FGG: variants seen among roughly 807,000 people sequenced by gnomAD.
FGG encodes fibrinogen gamma chain.
In FGG, 20 loss-of-function variants were observed where a neutral mutation model predicts 51.7. That is an observed-to-expected ratio of 0.39 (90% confidence interval 0.27 to 0.56). FGG has a LOEUF of 0.56. Ranked by LOEUF, FGG falls within the 20% of genes least tolerant of loss-of-function variation. The probability of loss-of-function intolerance (pLI) is 0.64; values close to 1 mark genes in which losing one functional copy is unlikely to be tolerated. For synonymous variants in FGG, 184 were observed against 184.7 expected (o/e 1.00, Z 0.03); for missense variants, 460 against 534.2 (o/e 0.86, Z 1.37).
Position 154,604,383 on chromosome 4 carries a change from T to C in FGG, c.*451A>G, listed in dbSNP as rs1578806897. On this transcript the variant is annotated 3_prime_UTR_variant, in exon 9 of 9. Coordinates refer to ENST00000336098, the MANE Select transcript of FGG (RefSeq NM_021870.3). The stretch of plus-strand genomic sequence containing the variant: ...TGAATATATAACAAAACAAAAACCA[T>C]ATTAAAAAGACATAATTTTCTCCAT... The C allele has an allele frequency of 2.0e-6, 3 of 1,476,714 alleles. No homozygotes were observed. The highest frequency in any genetic ancestry group is 1.5e-5 in the African/African-American group (1 of 68,664). 91.5% of individuals were successfully genotyped at this position (1,476,714 alleles called of 1,614,324 possible). A position where few individuals can be genotyped will look rare whatever the true frequency, so the allele number is the denominator to read the frequency against.
chr4:154,609,515 G>T, intron 6 of FGG, 115 bp downstream of exon 6: 2 of 1,244,574 alleles, frequency 1.6e-6, no homozygotes, highest in South Asian at 1.2e-5. Flanking sequence ...CTTCCTCTTA[G>T]GGCTATTGCA....
chr4:154,610,757 T>C (rs1731196374), intron 4 of FGG, among the ~76,000 whole-genome samples: 1 of 152,196 alleles, frequency 6.6e-6, no homozygotes, highest in African/African-American at 2.4e-5. Context: ...GGAACGTTAT[T>C]GTATGTAAAA....
At position 154,612,552 on chromosome 4, in the gene FGG, G is replaced by C. The variant is rs992441964; in HGVS notation, c.58C>G (p.Leu20Val). The change falls in exon 1 of 9, where the codon CTC becomes GTC. Residue 20 changes from leucine to valine, a missense_variant. Around this residue, in one of 3 missense-constraint regions of FGG, gnomAD observed 353 missense variants for 391.7 expected, o/e 0.90. Coordinates refer to ENST00000336098, the MANE Select transcript of FGG (RefSeq NM_021870.3). ...CTTACTGCTACACATGTTGAAGAGA[G>C]AAATAAAAGAGCATAGAAGTAGAGA... ...LILYFYALLFLSSTCVAYVAT... is the reference protein window; with the variant it reads ...LILYFYALLFVSSTCVAYVAT... 23 of 1,614,012 alleles carry C rather than the reference G, an allele frequency of 1.4e-5. No individual in the cohort carries two copies. Among genetic ancestry groups the C allele is most frequent in the Non-Finnish European group, 1.7e-5 (20 of 1,179,916 alleles).
chr4:154,609,181 G>C (rs1731155357), intron 6 of FGG, among the ~76,000 whole-genome samples: 1 of 151,720 alleles, frequency 6.6e-6, no homozygotes, highest in Admixed American at 6.6e-5. Context: ...GTATCCTCTG[G>C]TGTGTGAAAG....
chr4:154,608,408 A>G, intron 7 of FGG, 58 bp downstream of exon 7: 27 of 1,513,396 alleles, frequency 1.8e-5, no homozygotes, highest in Non-Finnish European at 2.4e-5. Context: ...ATAGTTGGAA[A>G]GTGCACATTC....
Position 154,606,911 on chromosome 4 carries a change from G to A in FGG, c.923C>T (p.Ala308Val), listed in dbSNP as rs1210459814. The A allele has an allele frequency of 6.2e-7, 1 of 1,613,842 alleles. No individual in the cohort carries two copies. The change falls in exon 8 of 9, where the codon GCT becomes GTT. Residue 308 changes from alanine (A) to valine (V), a missense_variant. Physicochemically the swap from Ala to Val is moderately conservative, Grantham distance 64. Transcript: ENST00000336098. ...AAAGGCATCTCCAGCATCCCCACCAGCGAAGTAGGCATATGTTAGGCGGTA... is the reference window on the plus strand; with the variant it reads ...AAAGGCATCTCCAGCATCCCCACCAACGAAGTAGGCATATGTTAGGCGGTA... ...DKYRLTYAYFAGGDAGDAFDG... is the reference protein window; with the variant it reads ...DKYRLTYAYFVGGDAGDAFDG...
chr4:154,605,628 A>C (rs1731083804), intron 8 of FGG, among the ~76,000 whole-genome samples: 1 of 152,170 alleles, frequency 6.6e-6, no homozygotes. Context: ...CATGAACTAC[A>C]GCTCTGGCAT....
At position 154,610,150 on chromosome 4, in the gene FGG, A is replaced by G; in HGVS notation, c.449T>C (p.Leu150Pro). 2 of 1,604,096 alleles carry G rather than the reference A, an allele frequency of 1.2e-6. No individual in the cohort carries two copies. Among genetic ancestry groups the G allele is most frequent in the Non-Finnish European group, 8.5e-7 (1 of 1,171,012 alleles). The part of the protein sequence containing the change: ...YNSNNQKIVN[L>P]KEKVAQLEAQ... ...TTCAAGCTGGGCTACCTTCTCTTTCAGGTTAACAATCTTTTGATTATTTGA... is the reference window on the plus strand; with the variant it reads ...TTCAAGCTGGGCTACCTTCTCTTTCGGGTTAACAATCTTTTGATTATTTGA... Residue 150 changes from leucine to proline, a missense_variant, in exon 5 of 9, where the codon CTG becomes CCG. Coordinates refer to ENST00000336098, the MANE Select transcript of FGG (RefSeq NM_021870.3).
At chr4:154,610,587 G>A (rs769349492) in intron 4 of FGG, among the ~76,000 whole-genome samples, 6 of 152,082 alleles carry the variant, frequency 3.9e-5, no homozygotes, top group African/African-American at 1.4e-4. Context: ...CAAGAGTGGC[G>A]GGACTGGTTA....
rs774753838 is a variant in FGG at position 154,608,525 on chromosome 4, T to C, written c.792A>G (p.Thr264=). 7.4e-5 allele frequency: 120 copies of C among 1,613,716 alleles called. No homozygotes were observed. Among genetic ancestry groups the C allele is most frequent in the Non-Finnish European group, 1.0e-4 (118 of 1,179,866 alleles). The stretch of plus-strand genomic sequence containing the variant: ...TTAATGCATATGGGATGGCAGACTG[T>C]GTGCTTATCAAATGAATCTTCTCAT... ...LGNEKIHLIS[T]QSAIPYALRV... The change falls in exon 7 of 9, where the codon ACA becomes ACG. Residue 264 remains threonine (T), a synonymous_variant. Coordinates refer to ENST00000336098, the MANE Select transcript of FGG (RefSeq NM_021870.3).
chr4:154,608,006 A>ATTTGC (rs1731131757), intron 7 of FGG, among the ~76,000 whole-genome samples: 1 of 152,144 alleles, frequency 6.6e-6, no homozygotes, highest in South Asian at 2.1e-4. Context: ...AAGAGGCTGT[A>ATTTGC]TTTGCTTTTC....
intron 4 of FGG, among the ~76,000 whole-genome samples, chr4:154,610,449 T>A (rs1180489201): frequency 6.6e-6 from 1 of 152,212 alleles, no homozygotes; most frequent in African/African-American, 2.4e-5. Context: ...TGGACCTGAA[T>A]CTTTTTACTT....
At chr4:154,607,642 G>C (rs1420681455) in intron 7 of FGG, among the ~76,000 whole-genome samples, 1 of 152,094 alleles carries the variant, frequency 6.6e-6, no homozygotes, top group Non-Finnish European at 1.5e-5. Flanking sequence ...GGGCCTTAAT[G>C]AATGAACAGA....
chr4:154,608,352 G>T (rs1201674597), intron 7 of FGG, 114 bp downstream of exon 7: 4 of 1,020,826 alleles, frequency 3.9e-6, no homozygotes, highest in Non-Finnish European at 5.9e-6. Context: ...ATGGTGGCTG[G>T]ATGTGCTGTT....
At position 154,606,790 on chromosome 4, in the gene FGG, A is replaced by G; in HGVS notation, c.1044T>C (p.Phe348=). ...CATCCTGTTCAGCACAGTTGCCTTC[A>G]AACTTATCATTGTCATTGTCCCAGG... ...FSTWDNDNDK[F]EGNCAEQDGS... The change falls in exon 8 of 9, where the codon TTT becomes TTC. Residue 348 remains phenylalanine, a synonymous_variant. Transcript: ENST00000336098. The G allele has an allele frequency of 6.2e-7, 1 of 1,614,012 alleles. No individual in the cohort carries two copies. Among genetic ancestry groups the G allele is most frequent in the East Asian group, 2.2e-5 (1 of 44,876 alleles).
intron 8 of FGG, among the ~76,000 whole-genome samples, chr4:154,605,467 T>A (rs1236358871): frequency 6.6e-6 from 1 of 152,124 alleles, no homozygotes; most frequent in Non-Finnish European, 1.5e-5. Context: ...CACAATTTTG[T>A]TGGTTGATTG....
intron 4 of FGG, 58 bp from the exon 5 acceptor site, chr4:154,610,255 A>G: frequency 7.5e-7 from 1 of 1,336,676 alleles, no homozygotes; most frequent in Non-Finnish European, 1.1e-6. Context: ...TATTCCTTTC[A>G]GAAGAGTAAT....
Position 154,609,612 on chromosome 4 carries a change from T to G in FGG, c.666+18A>C. 6.2e-7 allele frequency: 1 copy of G among 1,613,676 alleles called. No homozygotes were observed. ...AATGTAGGAATTTATTAAATACACA[T>G]GGTGGGGAAAAAATTACCTTCTGAA... On this transcript the variant is annotated intron_variant, in intron 6 of 8. Transcript: ENST00000336098.
At chr4:154,607,725 A>G (rs1731126494) in intron 7 of FGG, among the ~76,000 whole-genome samples, 1 of 152,214 alleles carries the variant, frequency 6.6e-6, no homozygotes, top group Admixed American at 6.5e-5. Context: ...TCCTAGAAGA[A>G]GGTCTACTGA....
Sources: allele counts gnomAD v4.1 joint callset (sites outside exome capture counted in the v4.1 genomes callset), GRCh38; gene constraint gnomAD v4.1.1; regional missense constraint gnomAD v4.1.1; transcripts MANE v1.5; gene names NCBI Gene and HGNC (gene_info 2026-07-23, HGNC 2026-07-21).